Variants in PCDHA8 observed in about 807,000 individuals in gnomAD.
The protein encoded by PCDHA8 is protocadherin alpha 8, also known as protocadherin alpha-8.
In PCDHA8, 53 loss-of-function variants were observed where a neutral mutation model predicts 61.8. The ratio of observed to expected loss-of-function variants is 0.86; its 90% CI spans 0.69 to 1.08. The LOEUF (loss-of-function observed/expected upper bound fraction) is 1.08. Among genes scored for constraint, PCDHA8 ranks in the 50% least tolerant of loss-of-function variants. The pLI is 0.00. For missense variants in PCDHA8, 1,293 were observed against 1,245.0 expected (o/e 1.04, Z -0.58); for synonymous variants, 618 against 556.6 (o/e 1.11, Z -1.55).
rs28619398 is a variant in PCDHA8 at position 140,895,037 on chromosome 5, C to T, written c.2394+51322C>T. 4.7e-3 allele frequency among the ~76,000 whole-genome samples: 720 copies of T among 152,250 alleles called. 7 individuals are homozygous for T. The highest frequency in any genetic ancestry group is 0.016 in the African/African-American group (670 of 41,558). ...TTTTCCTTTGTTTAATTGTCCCCCA[C>T]CCACACCATTCTGCTTCATATGGAC... is the stretch of plus-strand genomic sequence containing the variant. On this transcript the variant is annotated intron_variant, in intron 1 of 3. Transcript: ENST00000531613.
rs2150319486 is a variant in PCDHA8 at position 140,841,616 on chromosome 5, A to T, written c.295A>T (p.Ser99Cys). 6.2e-7 allele frequency: 1 copy of T among 1,613,946 alleles called. No individual in the cohort carries two copies. Among genetic ancestry groups the T allele is most frequent in the Non-Finnish European group, 8.5e-7 (1 of 1,180,004 alleles). ...CGACCGCGAGGAGCTGTGCGGGCGG[A>T]GCGCGGAGTGCAGCATCCACCTGGA... Reference protein sequence around the residue: ...RIDREELCGRSAECSIHLEVI... With the variant: ...RIDREELCGRCAECSIHLEVI... Residue 99 changes from serine to cysteine, a missense_variant, in exon 1 of 4, where the codon AGC becomes TGC. Physicochemically the swap from Ser to Cys is moderately radical, Grantham distance 112. Transcript: ENST00000531613.
At chr5:140,870,442 G>C (rs1562644426) in intron 1 of PCDHA8, 2 of 1,614,236 alleles carry the variant, frequency 1.2e-6, no homozygotes, top group Non-Finnish European at 1.7e-6. Context: ...GGTGGCCGAC[G>C]TGAACGACAA....
At chr5:140,937,332 C>A (rs1003482242) in intron 1 of PCDHA8, among the ~76,000 whole-genome samples, 1 of 152,094 alleles carries the variant, frequency 6.6e-6, no homozygotes, top group Non-Finnish European at 1.5e-5. Flanking sequence ...CCACCGCGCC[C>A]GGCTTCTTCC....
rs1327692669 is a variant in PCDHA8 at position 140,843,104 on chromosome 5, C to G, written c.1783C>G (p.Arg595Gly). 6 of 1,595,598 alleles carry G rather than the reference C, an allele frequency of 3.8e-6. No individual in the cohort carries two copies. Among genetic ancestry groups the G allele is most frequent in the Non-Finnish European group, 4.3e-6 (5 of 1,165,478 alleles). The change falls in exon 1 of 4, where the codon CGC becomes GGC. Residue 595 changes from arginine to glycine, a missense_variant. Arg to Gly is a moderately radical substitution (Grantham distance 125). Transcript: ENST00000531613. ...CGCGGGCCACGTGGTAGCGAAGGTG[C>G]GCGCAGTGGACGCCGACTCGGGCTA... ...VGAGHVVAKV[R>G]AVDADSGYNA...
chr5:140,955,505 C>T (rs1253768939), intron 1 of PCDHA8, among the ~76,000 whole-genome samples: 2 of 152,152 alleles, frequency 1.3e-5, no homozygotes, highest in African/African-American at 2.4e-5. Flanking sequence ...TGAAGAAAGA[C>T]GTGTTTGCTT....
intron 1 of PCDHA8, chr5:140,871,033 C>T (rs201299652): frequency 1.2e-6 from 2 of 1,613,234 alleles, no homozygotes; most frequent in East Asian, 2.2e-5. Context: ...CTCGCCGCGC[C>T]ACCGACTTCT....
chr5:140,966,651 C>A, intron 1 of PCDHA8: 1 of 1,159,980 alleles, frequency 8.6e-7, no homozygotes, highest in Non-Finnish European at 1.1e-6. Flanking sequence ...AGAGCGTGAG[C>A]GGTGGGGGAG....
chr5:140,914,288 T>C (rs2076666061), intron 1 of PCDHA8, among the ~76,000 whole-genome samples: 1 of 152,210 alleles, frequency 6.6e-6, no homozygotes, highest in African/African-American at 2.4e-5. Flanking sequence ...ATAATTGTTA[T>C]ATCCTCTTGC....
rs2150315251 is a variant in PCDHA8 at position 140,841,428 on chromosome 5, C to T, written c.107C>T (p.Pro36Leu). Residue 36 changes from proline (P) to leucine (L), a missense_variant, in exon 1 of 4, where the codon CCC becomes CTC. Transcript: ENST00000531613. ...AGCGGCCAGCTCCACTACTCCGTCCCCGAGGAGGCCAAACACGGCACCTTC... is the reference window on the plus strand; with the variant it reads ...AGCGGCCAGCTCCACTACTCCGTCCTCGAGGAGGCCAAACACGGCACCTTC... ...VGSGQLHYSV[P>L]EEAKHGTFVG... 3.7e-6 allele frequency: 6 copies of T among 1,612,842 alleles called. No individual in the cohort carries two copies. Among genetic ancestry groups the T allele is most frequent in the Admixed American group, 1.7e-5 (1 of 59,990 alleles).
chr5:141,002,675 A>G (rs782045638), intron 3 of PCDHA8, among the ~76,000 whole-genome samples: 5 of 152,222 alleles, frequency 3.3e-5, no homozygotes, highest in African/African-American at 4.8e-5. Context: ...ACCAAAACCT[A>G]TACGACGTGC....
chr5:140,944,451 T>C (rs6878788), intron 1 of PCDHA8, among the ~76,000 whole-genome samples: 8,488 of 152,228 alleles, frequency 0.056, 701 homozygotes, highest in African/African-American at 0.18. Flanking sequence ...CCTCCCAAAG[T>C]GCTGGGATTA....
At chr5:140,870,570 G>A in intron 1 of PCDHA8, 1 of 1,613,972 alleles carries the variant, frequency 6.2e-7, no homozygotes, top group Non-Finnish European at 8.5e-7. Flanking sequence ...ACGCGCTGGT[G>A]TCCTACTCGC....
At chr5:140,933,513 G>A (rs2089204044) in intron 1 of PCDHA8, among the ~76,000 whole-genome samples, 1 of 152,012 alleles carries the variant, frequency 6.6e-6, no homozygotes, top group African/African-American at 2.4e-5. Context: ...AAAGACTACA[G>A]CTGTTTTGTT....
At chr5:140,985,519 C>G (rs945399310) in intron 3 of PCDHA8, among the ~76,000 whole-genome samples, 7 of 152,120 alleles carry the variant, frequency 4.6e-5, no homozygotes, top group African/African-American at 1.7e-4. Flanking sequence ...TTCTGTTGCC[C>G]TTAAAGCTTC....
At chr5:140,894,133 A>G (rs782349927) in intron 1 of PCDHA8, among the ~76,000 whole-genome samples, 14 of 152,166 alleles carry the variant, frequency 9.2e-5, no homozygotes, top group Non-Finnish European at 1.8e-4. Flanking sequence ...ATAACTTGAA[A>G]TAATTCCCTT....
chr5:140,964,689 GAGAGATTA>G (rs781865484), intron 1 of PCDHA8, among the ~76,000 whole-genome samples: 4 of 152,008 alleles, frequency 2.6e-5, no homozygotes, highest in Non-Finnish European at 5.9e-5. Context: ...TTGTGCACTT[GAGAGATTA>G]AGGCCTCCGA....
chr5:140,872,087 A>C (rs2053480826), intron 1 of PCDHA8, among the ~76,000 whole-genome samples: 2 of 152,304 alleles, frequency 1.3e-5, no homozygotes, highest in East Asian at 1.9e-4. Flanking sequence ...GTGCCACTGC[A>C]CTTAGTCCAT....
intron 1 of PCDHA8, among the ~76,000 whole-genome samples, chr5:140,906,929 C>T (rs1488297059): frequency 3.9e-5 from 6 of 152,122 alleles, no homozygotes; most frequent in African/African-American, 9.7e-5. Flanking sequence ...AAAAGTGTCC[C>T]GGTGTCAATC....
intron 3 of PCDHA8, 111 bp downstream of exon 3, chr5:140,982,674 A>G (rs1399250735): frequency 3.4e-6 from 5 of 1,450,700 alleles, no homozygotes; most frequent in Admixed American, 2.7e-5. Context: ...TATTTTTGTT[A>G]TTCCCTTTTT....
Sources: gnomAD v4.1 joint callset for allele counts (sites outside exome capture counted in the v4.1 genomes callset) on GRCh38, gnomAD v4.1.1 for gene constraint, MANE v1.5 for transcripts, NCBI Gene and HGNC (gene_info 2026-07-23, HGNC 2026-07-21) for gene names.